ZNF782: variants seen among roughly 807,000 people sequenced by gnomAD.
The protein encoded by ZNF782 is zinc finger protein 782.
A neutral mutation model predicts 13.0 loss-of-function variants in ZNF782; 12 were observed. The observed-to-expected ratio is 0.92, with a 90% CI of 0.59 to 1.50. ZNF782 has a LOEUF of 1.50. ZNF782 is among the 40% of genes most tolerant of loss of function. The pLI is 0.00. For synonymous variants in ZNF782, 284 were observed against 283.0 expected (o/e 1.00, Z -0.04); for missense variants, 770 against 822.9 (o/e 0.94, Z 0.79).
Position 96,850,531 on chromosome 9 carries a change from TA to T in ZNF782, c.15+1415del, listed in dbSNP as rs986104686. ...GGAGGCTAGGGAAAGGTGCTAGGGA[TA>T]AAAAACTACCTATAAGGCACAATGT... On this transcript the variant is annotated intron_variant, in intron 3 of 5. Coordinates refer to ENST00000481138, the MANE Select transcript of ZNF782 (RefSeq NM_001001662.3). The surrounding 1 kb of genome is among the most constrained non-coding windows in gnomAD (Gnocchi z 4.3). Among the ~76,000 whole-genome samples the T allele has an allele frequency of 6.6e-6, 1 of 152,004 alleles. No homozygotes were observed. Among genetic ancestry groups the T allele is most frequent in the African/African-American group, 2.4e-5 (1 of 41,382 alleles).
chr9:96,870,931 A>G (rs761760110), intron 1 of ZNF782, among the ~76,000 whole-genome samples: 30 of 152,202 alleles, frequency 2.0e-4, no homozygotes, highest in Non-Finnish European at 3.8e-4. Flanking sequence ...TATCCTCTGT[A>G]AGCACTTCTT....
At chr9:96,929,318 G>A in the ZNF782 span, among the ~76,000 whole-genome samples, 4 of 152,046 alleles carry the variant, frequency 2.6e-5, no homozygotes, top group Non-Finnish European at 4.4e-5. Flanking sequence ...GACAGGTCAC[G>A]TCATTGTGTT....
rs562146109 is a variant in ZNF782, at chr9:96,845,562, G to A, written c.16-546C>T. Among the ~76,000 whole-genome samples, 3 of 152,322 alleles carry A rather than the reference G, an allele frequency of 2.0e-5. No homozygotes were observed. The South Asian group carries it at 6.2e-4, about 32-fold the overall frequency. Reference sequence around the variant, plus strand: ...GTGGGCCATAGTGCCCAGCTGGGAAGTGAATCTTTACAAGAATGAAAATCT... The same window carrying A: ...GTGGGCCATAGTGCCCAGCTGGGAAATGAATCTTTACAAGAATGAAAATCT... On this transcript the variant is annotated intron_variant, in intron 3 of 5. Coordinates refer to ENST00000481138, the MANE Select transcript of ZNF782 (RefSeq NM_001001662.3).
chr9:96,849,231 C>T (rs1851423774), intron 3 of ZNF782, among the ~76,000 whole-genome samples: 1 of 152,220 alleles, frequency 6.6e-6, no homozygotes, highest in Non-Finnish European at 1.5e-5. Context: ...GTTAGATTCT[C>T]ATAAGAAGCA....
At chr9:96,907,169 G>T in the ZNF782 span, among the ~76,000 whole-genome samples, 1 of 151,868 alleles carries the variant, frequency 6.6e-6, no homozygotes, top group African/African-American at 2.4e-5. Flanking sequence ...ACAAACGAGA[G>T]AATATTATTC....
the ZNF782 span, among the ~76,000 whole-genome samples, chr9:96,925,724 C>T: frequency 2.7e-5 from 4 of 149,766 alleles, no homozygotes; most frequent in Non-Finnish European, 5.9e-5. Context: ...ATCCTTTCTG[C>T]TCATTTGCAG....
At chr9:96,890,415 C>G in the ZNF782 span, 1 of 152,390 alleles carries the variant, frequency 6.6e-6, no homozygotes, top group Admixed American at 6.5e-5. Context: ...GACAAGGGGT[C>G]CAGGGGGTTT....
the ZNF782 span, chr9:96,892,647 T>C: frequency 6.6e-6 from 1 of 152,216 alleles, no homozygotes; most frequent in South Asian, 2.1e-4. Flanking sequence ...TTCTCCTTTA[T>C]GAGTTCTTTA....
chr9:96,887,275 T>C, the ZNF782 span: 8 of 110,902 alleles, frequency 7.2e-5, no homozygotes, highest in South Asian at 6.0e-4. Context: ...CAAGACTCCA[T>C]TGCAAAAAAG....
At chr9:96,927,202 C>A in the ZNF782 span, among the ~76,000 whole-genome samples, 4 of 152,204 alleles carry the variant, frequency 2.6e-5, no homozygotes, top group Non-Finnish European at 5.9e-5. Flanking sequence ...AGCTGAGAGA[C>A]TCCAGCCAGG....
At chr9:96,919,096 C>T in the ZNF782 span, 34 of 194,120 alleles carry the variant, frequency 1.8e-4, no homozygotes, top group Middle Eastern at 1.7e-3. Flanking sequence ...CCATGCAAGA[C>T]GGGGGAAAGA....
At chr9:96,893,500 C>T in the ZNF782 span, 1 of 152,138 alleles carries the variant, frequency 6.6e-6, no homozygotes, top group African/African-American at 2.4e-5. Flanking sequence ...ACTAGAAATA[C>T]CATCTTGACT....
the ZNF782 span, chr9:96,898,063 CTCTT>C: frequency 6.7e-6 from 1 of 149,640 alleles, no homozygotes; most frequent in Non-Finnish European, 1.5e-5. Flanking sequence ...CACTGATTAT[CTCTT>C]TCTTTCCTTT....
the ZNF782 span, chr9:96,888,427 T>C: frequency 6.6e-6 from 1 of 152,136 alleles, no homozygotes; most frequent in African/African-American, 2.4e-5. Flanking sequence ...AAAGAAGAAA[T>C]CAACAAATCC....
intron 3 of ZNF782, among the ~76,000 whole-genome samples, chr9:96,845,536 C>T (rs554631175): frequency 2.0e-5 from 3 of 152,246 alleles, no homozygotes; most frequent in South Asian, 2.1e-4. Flanking sequence ...GGATTACAGG[C>T]GTGGGCCATA....
intron 4 of ZNF782, among the ~76,000 whole-genome samples, chr9:96,833,087 C>T (rs1277753460): frequency 1.3e-5 from 2 of 152,056 alleles, no homozygotes; most frequent in African/African-American, 4.8e-5. Flanking sequence ...TGCTGCTGTG[C>T]ACATGTAATG....
rs771768203 is a variant in ZNF782 at position 96,851,927 on chromosome 9, G to T, written c.15+20C>A. 7 of 1,612,540 alleles carry T rather than the reference G, an allele frequency of 4.3e-6. No individual in the cohort carries two copies. The Admixed American group carries it at 1.2e-4, about 27-fold the overall frequency. The stretch of plus-strand genomic sequence containing the variant: ...TAAAATCCATTACAATACAAAGTGG[G>T]GAATGAATAAAAAGCTTACCTGAAA... On this transcript the variant is annotated intron_variant, in intron 3 of 5. Transcript: ENST00000481138.
At chr9:96,885,251 T>G in the ZNF782 span, among the ~76,000 whole-genome samples, 6 of 152,082 alleles carry the variant, frequency 3.9e-5, no homozygotes, top group Non-Finnish European at 5.9e-5. Context: ...AATTGCGATT[T>G]TTTTGGAGTA....
In ZNF782 at chr9:96,818,775, G is replaced by T. The variant is rs1407464245; in HGVS notation, c.1248C>A (p.His416Gln). The change falls in exon 6 of 6, where the codon CAC becomes CAA. Residue 416 changes from histidine to glutamine, a missense_variant. By Grantham distance (24) the His-to-Gln change is conservative. Transcript: ENST00000481138. ...CACATTTGTATGGTTTCTCTCCCGT[G>T]TGAGTTCTCTGATGTTTTCTTAGGC... ...KSRLRKHQRT[H>Q]TGEKPYKCDG... is the part of the protein sequence containing the mutation. 6.2e-7 allele frequency: 1 copy of T among 1,613,990 alleles called. No homozygotes were observed. Among genetic ancestry groups the T allele is most frequent in the Admixed American group, 1.7e-5 (1 of 60,012 alleles).
Sources: gnomAD v4.1 joint callset for allele counts (sites outside exome capture counted in the v4.1 genomes callset) on GRCh38, gnomAD v4.1.1 for gene constraint, Gnocchi (gnomAD v3.1) non-coding constraint, MANE v1.5 for transcripts, NCBI Gene and HGNC (gene_info 2026-07-23, HGNC 2026-07-21) for gene names.